The following NAA16 variants were observed in gnomAD, a reference collection of about 807,000 sequenced individuals.
NAA16 encodes NARG1-like protein.
NAA16 carries 97 observed loss-of-function variants against 110.3 expected under a neutral mutation model. The ratio of observed to expected loss-of-function variants is 0.88; its 90% CI spans 0.75 to 1.04. NAA16 has a LOEUF of 1.04. Among genes scored for constraint, NAA16 ranks in the 50% least tolerant of loss-of-function variants. The pLI, the probability that NAA16 is intolerant of heterozygous loss-of-function variation, is 0.00. For synonymous variants in NAA16, 372 were observed against 330.6 expected (o/e 1.13, Z -1.36); for missense variants, 1,017 against 1,005.1 (o/e 1.01, Z -0.16).
chr13:41,366,528 G>A (rs983519786), intron 13 of NAA16, among the ~76,000 whole-genome samples: 1 of 152,266 alleles, frequency 6.6e-6, no homozygotes, highest in African/African-American at 2.4e-5. Flanking sequence ...AGATTGTTTT[G>A]TTGGGGGAGG....
chr13:41,348,646 T>G (rs977689899), intron 9 of NAA16, among the ~76,000 whole-genome samples: 11 of 152,244 alleles, frequency 7.2e-5, no homozygotes, highest in Non-Finnish European at 1.3e-4. Flanking sequence ...AGGGTGATAC[T>G]GGCCTCATAA....
intron 2 of NAA16, 63 bp downstream of exon 2, chr13:41,316,993 G>T: frequency 1.8e-6 from 2 of 1,138,814 alleles, no homozygotes; most frequent in Non-Finnish European, 2.7e-6. Context: ...CATTAACAGT[G>T]AAAGAAGAGT....
chr13:41,340,416 G>A (rs1044116891), intron 9 of NAA16, among the ~76,000 whole-genome samples: 3 of 151,960 alleles, frequency 2.0e-5, no homozygotes, highest in Admixed American at 6.6e-5. Flanking sequence ...TTTTAATTGC[G>A]ATGTTAAGGT....
intron 9 of NAA16, among the ~76,000 whole-genome samples, chr13:41,344,750 A>G (rs1265773523): frequency 6.6e-6 from 1 of 152,238 alleles, no homozygotes. Context: ...TTGAGATATA[A>G]TTAATATATC....
At chr13:41,317,012 G>A (rs1478782085) in intron 2 of NAA16, 82 bp downstream of exon 2, 6 of 963,730 alleles carry the variant, frequency 6.2e-6, no homozygotes, top group Non-Finnish European at 8.4e-6. Context: ...GTATTTCCCC[G>A]ATTCCAGGGC....
At chr13:41,333,868 TTTAG>T (rs1251521473) in intron 8 of NAA16, among the ~76,000 whole-genome samples, 3 of 151,840 alleles carry the variant, frequency 2.0e-5, no homozygotes, top group Non-Finnish European at 4.4e-5. Context: ...TAAAGTGTGA[TTTAG>T]GTTAAAGTGG....
intron 13 of NAA16, among the ~76,000 whole-genome samples, chr13:41,363,767 AATT>A (rs908368686): frequency 4.6e-5 from 7 of 152,164 alleles, no homozygotes. Context: ...CATGTTACAT[AATT>A]ATTATCGCTA....
chr13:41,364,746 T>A (rs971825993), intron 13 of NAA16, among the ~76,000 whole-genome samples: 2 of 152,222 alleles, frequency 1.3e-5, no homozygotes, highest in African/African-American at 4.8e-5. Flanking sequence ...CTTTATCTTC[T>A]ATTGTATCTT....
intron 17 of NAA16, chr13:41,373,266 G>GTTT (rs564421063): frequency 2.0e-5 from 13 of 651,812 alleles, no homozygotes; most frequent in African/African-American, 1.0e-4. Context: ...TGTGTTTTTT[G>GTTT]TTTTTTTTTT....
intron 13 of NAA16, among the ~76,000 whole-genome samples, chr13:41,363,878 C>T (rs574823090): frequency 1.3e-5 from 2 of 152,190 alleles, no homozygotes; most frequent in South Asian, 4.1e-4. Flanking sequence ...AGCTAGTCTT[C>T]AGTGAATATA....
At chr13:41,358,684 G>A in intron 11 of NAA16, 126 bp from the exon 12 acceptor site, 1 of 1,433,934 alleles carries the variant, frequency 7.0e-7, no homozygotes, top group Non-Finnish European at 9.2e-7. Flanking sequence ...CTGTAATTTT[G>A]ATTTCTAAAT....
chr13:41,325,944 T>G (rs893963148), intron 6 of NAA16, 93 bp downstream of exon 6: 5 of 1,011,682 alleles, frequency 4.9e-6, no homozygotes, highest in Non-Finnish European at 6.9e-6. Context: ...ACAGTTGTTA[T>G]GTATCTGGCA....
At chr13:41,312,103 C>T (rs2041619573) in intron 1 of NAA16, among the ~76,000 whole-genome samples, 1 of 152,198 alleles carries the variant, frequency 6.6e-6, no homozygotes, top group Non-Finnish European at 1.5e-5. Context: ...AAACCGGCAA[C>T]TTTAGGAAGC....
intron 17 of NAA16, 36 bp downstream of exon 17, chr13:41,372,866 ATT>A: frequency 6.8e-7 from 1 of 1,473,016 alleles, no homozygotes; most frequent in East Asian, 2.4e-5. Flanking sequence ...ACATTTGTGA[ATT>A]ATTTCTAAGG....
chr13:41,328,842 T>C lies in NAA16; in HGVS notation c.810T>C (p.Ile270=). 1 of 1,594,462 alleles carries C rather than the reference T, an allele frequency of 6.3e-7. No individual in the cohort carries two copies. ...YYEGLEKALQ[I]STLEERLQIY... ...AAGGCTTGGAAAAAGCTCTACAAAT[T>C]AGTATGTAATGATTTTTCTCCTCTT... is the stretch of plus-strand genomic sequence containing the variant. The change falls in exon 7 of 20, where the codon ATT becomes ATC. Residue 270 remains isoleucine (I), a splice_region_variant and synonymous_variant. Transcript: ENST00000379406.
rs1192011545 is a variant in NAA16, at chr13:41,372,840, A to G, written c.2155+10A>G. 6.5e-7 allele frequency: 1 copy of G among 1,532,154 alleles called. No homozygotes were observed. The highest frequency in any genetic ancestry group is 2.3e-5 in the East Asian group (1 of 42,726). The allele number at this position is 1,532,154 out of a possible 1,614,324, so 94.9% of individuals were successfully genotyped here. On this transcript the variant is annotated intron_variant, in intron 17 of 19. Coordinates refer to ENST00000379406, the MANE Select transcript of NAA16 (RefSeq NM_024561.5). Reference sequence around the variant, plus strand: ...AGATTTTCTAAATCTGGTAAGTATAAAAAAGGACCATATTTACATTTGTGA... The same window carrying G: ...AGATTTTCTAAATCTGGTAAGTATAGAAAAGGACCATATTTACATTTGTGA...
In NAA16 at chr13:41,323,109, T is replaced by A; in HGVS notation, c.456T>A (p.Ile152=). 6.2e-7 allele frequency: 1 copy of A among 1,614,118 alleles called. No homozygotes were observed. The highest frequency in any genetic ancestry group is 1.1e-5 in the South Asian group (1 of 91,084). ...GCCCCACACAGCGTGCCTCCTGGAT[T>A]GGATATGCTATTGCATACCATTTGC... ...QLRPTQRASW[I]GYAIAYHLLK... is the part of the protein sequence containing the mutation. Residue 152 remains isoleucine, a synonymous_variant, in exon 5 of 20, where the codon ATT becomes ATA. Transcript: ENST00000379406.
chr13:41,325,570 G>C, intron 5 of NAA16, 128 bp from the exon 6 acceptor site: 1 of 494,846 alleles, frequency 2.0e-6, no homozygotes. Flanking sequence ...TCACTCTTCT[G>C]TTTGTATCTG....
Position 41,328,915 on chromosome 13 carries a change from T to A in NAA16, c.811+72T>A, listed in dbSNP as rs1428796186. On this transcript the variant is annotated intron_variant, in intron 7 of 19. Coordinates refer to ENST00000379406, the MANE Select transcript of NAA16 (RefSeq NM_024561.5). ...ATAATAAAATGTAAAGTTGTAATAA[T>A]ACTTGGGAACAAATAATTTTAGCAT... is the stretch of plus-strand genomic sequence containing the variant. 4.6e-6 allele frequency: 6 copies of A among 1,307,112 alleles called. No homozygotes were observed. The East Asian group carries it at 1.2e-4, about 26-fold the overall frequency. 81.0% of individuals were successfully genotyped at this position (1,307,112 alleles called of 1,614,324 possible).
Sources: allele counts gnomAD v4.1 joint callset (sites outside exome capture counted in the v4.1 genomes callset), GRCh38; gene constraint gnomAD v4.1.1; transcripts MANE v1.5; gene names NCBI Gene and HGNC (gene_info 2026-07-23, HGNC 2026-07-21).